The following CCDC91 variants were observed in gnomAD, a reference collection of about 807,000 sequenced individuals.
The protein encoded by CCDC91 is coiled-coil domain-containing protein 91.
In CCDC91, 48 loss-of-function variants were observed where a neutral mutation model predicts 63.2. That is an observed-to-expected ratio of 0.76 (90% CI 0.60 to 0.97). The LOEUF (loss-of-function observed/expected upper bound fraction) is 0.97, where lower values mean the gene tolerates loss of function less well. Among genes scored for constraint, CCDC91 ranks in the 50% least tolerant of loss-of-function variants. The pLI, the probability that CCDC91 is intolerant of heterozygous loss-of-function variation, is 0.00. For missense variants in CCDC91, 500 were observed against 494.6 expected (o/e 1.01, Z -0.10); for synonymous variants, 167 against 165.8 (o/e 1.01, Z -0.06).
chr12:28,358,093 G>T (rs777440920), intron 6 of CCDC91, among the ~76,000 whole-genome samples: 1 of 152,122 alleles, frequency 6.6e-6, no homozygotes, highest in African/African-American at 2.4e-5. Context: ...GTAACATACT[G>T]TATTATAGGA....
intron 1 of CCDC91, among the ~76,000 whole-genome samples, chr12:28,218,267 A>G (rs1259874535): frequency 2.0e-5 from 3 of 152,068 alleles, no homozygotes; most frequent in Non-Finnish European, 4.4e-5. Flanking sequence ...GTCTACTGTG[A>G]TCTTTCTACT....
At chr12:28,524,010 C>T (rs1421991302) in intron 12 of CCDC91, among the ~76,000 whole-genome samples, 1 of 152,084 alleles carries the variant, frequency 6.6e-6, no homozygotes, top group African/African-American at 2.4e-5. Context: ...TCAGATTCAC[C>T]AAAGTTGAAA....
chr12:28,190,477 G>C lies in CCDC91; in HGVS notation c.-179G>C, dbSNP rs1157053624. 1 of 152,922 alleles carries C rather than the reference G, an allele frequency of 6.5e-6. No individual in the cohort carries two copies. Among genetic ancestry groups the C allele is most frequent in the East Asian group, 1.9e-4 (1 of 5,204 alleles). The allele number at this position is 152,922 out of a possible 1,614,324, so 9.5% of individuals were successfully genotyped here. A position where few individuals can be genotyped will look rare whatever the true frequency, so the allele number is the denominator to read the frequency against. ...GGGCAGAGGTGTTCGAAGCCGGGTG[G>C]TGCGTGGGCTACCCCAACCTGTGTG... On this transcript the variant is annotated 5_prime_UTR_variant, in exon 1 of 13. Coordinates refer to ENST00000536442, the MANE Select transcript of CCDC91 (RefSeq NM_018318.5).
intron 6 of CCDC91, among the ~76,000 whole-genome samples, chr12:28,359,413 A>T (rs1269585382): frequency 6.6e-6 from 1 of 152,206 alleles, no homozygotes; most frequent in East Asian, 1.9e-4. Context: ...TAGGCTAATT[A>T]ACTCTAATTT....
chr12:28,268,155 A>T (rs1303288034), intron 3 of CCDC91, among the ~76,000 whole-genome samples: 2 of 150,756 alleles, frequency 1.3e-5, no homozygotes, highest in Admixed American at 1.3e-4. Context: ...CCTCTGCCTC[A>T]CGGGTTCAAG....
intron 1 of CCDC91, among the ~76,000 whole-genome samples, chr12:28,248,121 G>A (rs1945881401): frequency 6.6e-6 from 1 of 152,124 alleles, no homozygotes; most frequent in African/African-American, 2.4e-5. Context: ...TATGGGGTGA[G>A]AGAGAGAAGT....
At chr12:28,417,905 T>G (rs1042903606) in intron 8 of CCDC91, among the ~76,000 whole-genome samples, 2 of 152,120 alleles carry the variant, frequency 1.3e-5, no homozygotes, top group Non-Finnish European at 2.9e-5. Flanking sequence ...TAGTTTTTCC[T>G]TCCATTACTG....
At chr12:28,211,521 C>T (rs887951353) in intron 1 of CCDC91, among the ~76,000 whole-genome samples, 4 of 152,068 alleles carry the variant, frequency 2.6e-5, no homozygotes, top group African/African-American at 9.7e-5. Flanking sequence ...AATAGGCATC[C>T]CTAGATGAGA....
chr12:28,338,309 C>T, intron 6 of CCDC91, among the ~76,000 whole-genome samples: 1 of 142,158 alleles, frequency 7.0e-6, no homozygotes, highest in East Asian at 2.5e-4. Context: ...AAACTCACCC[C>T]CATAGTGTTT....
intron 7 of CCDC91, among the ~76,000 whole-genome samples, chr12:28,378,196 T>C (rs532949368): frequency 6.6e-6 from 1 of 152,152 alleles, no homozygotes; most frequent in South Asian, 2.1e-4. Context: ...AACCAAAGTT[T>C]GTTTTGTTGA....
At position 28,441,057 on chromosome 12, in the gene CCDC91, C is replaced by CAAAA. The variant is rs60278449; in HGVS notation, c.763-9080_763-9077dup. 1.4e-3 allele frequency among the ~76,000 whole-genome samples: 73 copies of CAAAA among 52,676 alleles called. 1 individual carries two copies. The highest frequency in any genetic ancestry group is 4.2e-3 in the East Asian group (4 of 954). The allele number at this position is 52,676 out of a possible 152,430, so 34.6% of individuals were successfully genotyped here. On this transcript the variant is annotated intron_variant, in intron 8 of 12. Transcript: ENST00000536442. ...TGGGTGACAGAGCAAGACTCCATCTCAAAAAAAAAAAAAAAAAAAAAAAAA... is the reference window on the plus strand; with the variant it reads ...TGGGTGACAGAGCAAGACTCCATCTCAAAAAAAAAAAAAAAAAAAAAAAAAAAAA...
intron 11 of CCDC91, among the ~76,000 whole-genome samples, chr12:28,482,689 T>C: frequency 6.6e-6 from 1 of 151,952 alleles, no homozygotes; most frequent in East Asian, 1.9e-4. Flanking sequence ...TAGCCATTCC[T>C]ATGGGCTTCT....
At chr12:28,224,990 C>G (rs570308871) in intron 1 of CCDC91, among the ~76,000 whole-genome samples, 56 of 152,132 alleles carry the variant, frequency 3.7e-4, no homozygotes, top group Non-Finnish European at 6.0e-4. Flanking sequence ...AAATTGGACC[C>G]TAGATATTAG....
chr12:28,547,926 A>T (rs1253338859), intron 12 of CCDC91, among the ~76,000 whole-genome samples: 1 of 152,078 alleles, frequency 6.6e-6, no homozygotes, highest in East Asian at 1.9e-4. Context: ...GACAACTTTT[A>T]CATAAGTATG....
chr12:28,349,832 T>G (rs1482497216), intron 6 of CCDC91, among the ~76,000 whole-genome samples: 2 of 152,140 alleles, frequency 1.3e-5, no homozygotes, highest in South Asian at 4.1e-4. Context: ...TAGACCCTCA[T>G]TCCTCTGTTA....
At position 28,450,173 on chromosome 12, in the gene CCDC91, C is replaced by A; in HGVS notation, c.775C>A (p.Leu259Ile). 1 of 1,601,498 alleles carries A rather than the reference C, an allele frequency of 6.2e-7. No homozygotes were observed. Among genetic ancestry groups the A allele is most frequent in the Non-Finnish European group, 8.5e-7 (1 of 1,173,706 alleles). Residue 259 changes from leucine (L) to isoleucine (I), a missense_variant, in exon 9 of 13, where the codon CTT (leucine) becomes ATT (isoleucine). Leu to Ile is a conservative substitution (Grantham distance 5, BLOSUM62 2). Coordinates refer to ENST00000536442, the MANE Select transcript of CCDC91 (RefSeq NM_018318.5). ...ELLNAQHQRLLEMLDTEKELL... is the reference protein window; with the variant it reads ...ELLNAQHQRLIEMLDTEKELL... ...TCATTCCTTGTAGCATCAGAGGCTCCTTGAAATGCTAGATACAGAGAAGGA... is the reference window on the plus strand; with the variant it reads ...TCATTCCTTGTAGCATCAGAGGCTCATTGAAATGCTAGATACAGAGAAGGA...
chr12:28,484,731 A>G (rs1951629165), intron 12 of CCDC91, among the ~76,000 whole-genome samples: 1 of 151,974 alleles, frequency 6.6e-6, no homozygotes, highest in East Asian at 1.9e-4. Context: ...GCTGAAACTA[A>G]TGGATCTAAC....
At chr12:28,510,536 C>A (rs1284128900) in intron 12 of CCDC91, among the ~76,000 whole-genome samples, 2 of 151,826 alleles carry the variant, frequency 1.3e-5, no homozygotes, top group Non-Finnish European at 2.9e-5. Flanking sequence ...GGTCTTCAAT[C>A]AATTAGATGA....
intron 6 of CCDC91, among the ~76,000 whole-genome samples, chr12:28,317,008 T>C (rs1212726216): frequency 6.6e-6 from 1 of 151,928 alleles, no homozygotes; most frequent in Non-Finnish European, 1.5e-5. Flanking sequence ...TCTCTCAGTT[T>C]CAGCTACTGT....
Sources: gnomAD v4.1 joint callset for allele counts (sites outside exome capture counted in the v4.1 genomes callset) on GRCh38, gnomAD v4.1.1 for gene constraint, MANE v1.5 for transcripts, NCBI Gene and HGNC (gene_info 2026-07-23, HGNC 2026-07-21) for gene names.